The following GLB1L3 variants were observed in gnomAD, a reference collection of about 807,000 sequenced individuals.
GLB1L3 encodes the protein galactosidase beta 1 like 3, also known as beta-galactosidase-1-like protein 3.
In GLB1L3, 89 loss-of-function variants were observed where a neutral mutation model predicts 89.5. That is an observed-to-expected ratio of 0.99 (90% CI 0.84 to 1.19). The LOEUF (loss-of-function observed/expected upper bound fraction) is 1.19, where lower values mean the gene tolerates loss of function less well. GLB1L3 is among the 50% of genes most tolerant of loss of function. The probability of loss-of-function intolerance (pLI) is 0.00; values close to 1 mark genes in which losing one functional copy is unlikely to be tolerated. For synonymous variants in GLB1L3, 314 were observed against 312.3 expected (o/e 1.01, Z -0.06); for missense variants, 812 against 813.3 (o/e 1.00, Z 0.02).
rs1223999897 is a variant in GLB1L3 at position 134,284,561 on chromosome 11, T to C, written c.636+716T>C. On this transcript the variant is annotated intron_variant, in intron 6 of 19. Transcript: ENST00000431683. ...TGACCAACATGGGAAACTCCATCTC[T>C]ACTAAAAATACAAAAAAATTAGCTG... is the stretch of plus-strand genomic sequence containing the variant. Among the ~76,000 whole-genome samples the C allele has an allele frequency of 2.0e-5, 3 of 152,102 alleles. No individual in the cohort carries two copies. The East Asian group carries it at 5.8e-4, about 30-fold the overall frequency.
chr11:134,320,744 A>C (rs1005219464), downstream of GLB1L3, among the ~76,000 whole-genome samples: 1 of 152,132 alleles, frequency 6.6e-6, no homozygotes, highest in African/African-American at 2.4e-5. Flanking sequence ...AAAACAAAAA[A>C]AAAAAACAAA....
the GLB1L3 span, among the ~76,000 whole-genome samples, chr11:134,324,927 T>G: frequency 2.0e-5 from 3 of 152,014 alleles, no homozygotes; most frequent in African/African-American, 7.2e-5. Flanking sequence ...TCATATGATA[T>G]AAAATGTTTA....
chr11:134,307,047 A>G lies in GLB1L3; in HGVS notation c.877-77A>G, dbSNP rs190270336. On this transcript the variant is annotated intron_variant, in intron 9 of 19. Transcript: ENST00000431683. ...GAAACGCATGAGTTCCTTAGTTCCC[A>G]TCTATTGCATTCAGGTTTTCTGATT... 1.9e-4 allele frequency: 181 copies of G among 959,734 alleles called. 1 individual carries two copies. In the African/African-American group the frequency reaches 2.6e-3, roughly 14 times the overall value. 59.5% of individuals were successfully genotyped at this position (959,734 alleles called of 1,614,324 possible).
chr11:134,300,471 T>G lies in GLB1L3; in HGVS notation c.877-6653T>G, dbSNP rs557646691. ...CCTCAGCCTCCCGAGTAGCTGGGAC[T>G]ACAGGCGCCCTCCACCACGCCAGGC... On this transcript the variant is annotated intron_variant, in intron 9 of 19. Coordinates refer to ENST00000431683, the MANE Select transcript of GLB1L3 (RefSeq NM_001080407.3). 3.9e-5 allele frequency among the ~76,000 whole-genome samples: 6 copies of G among 152,148 alleles called. No individual in the cohort carries two copies. In the South Asian group the frequency reaches 1.0e-3, roughly 26 times the overall value.
chr11:134,295,553 A>G (rs1941587705), intron 9 of GLB1L3, among the ~76,000 whole-genome samples: 1 of 152,040 alleles, frequency 6.6e-6, no homozygotes, highest in South Asian at 2.1e-4. Flanking sequence ...ATCTTTGCAG[A>G]GAATCAGCTT....
chr11:134,290,884 A>G (rs1277912898), intron 7 of GLB1L3, among the ~76,000 whole-genome samples: 2 of 152,000 alleles, frequency 1.3e-5, no homozygotes, highest in African/African-American at 4.8e-5. Flanking sequence ...CTCTTCTTTC[A>G]GTGACTTAGA....
Position 134,292,170 on chromosome 11 carries a change from C to T in GLB1L3, c.768C>T (p.Thr256=), listed in dbSNP as rs1198764679. 3 of 1,613,670 alleles carry T rather than the reference C, an allele frequency of 1.9e-6. No homozygotes were observed. Among genetic ancestry groups the T allele is most frequent in the Admixed American group, 1.7e-5 (1 of 60,020 alleles). ...GAGGGATTGTGGAGCTTCTCTTGAC[C>T]TCTGATGGTGAGAAACATGTGCTGA... The part of the protein sequence containing the change: ...LRRGIVELLL[T]SDGEKHVLSG... The change falls in exon 8 of 20, where the codon ACC becomes ACT. Residue 256 remains threonine (T), a synonymous_variant. Transcript: ENST00000431683.
chr11:134,298,679 G>T (rs1271593359), intron 9 of GLB1L3, among the ~76,000 whole-genome samples: 3 of 152,088 alleles, frequency 2.0e-5, no homozygotes, highest in Non-Finnish European at 4.4e-5. Flanking sequence ...TTCTCTTGCT[G>T]CTGGCATGTG....
chr11:134,276,748 C>T lies in GLB1L3; in HGVS notation c.8C>T (p.Ser3Phe), dbSNP rs890105114. MK[S>F]PPLLSPCLSW... ...CGCCTCGGCCTGGCCGCGATGAAGT[C>T]CCCGCCCCTCCTCAGGTGACGGATC... Residue 3 changes from serine to phenylalanine, a missense_variant, in exon 1 of 20, where the codon TCC becomes TTC. Ser to Phe is a radical substitution (Grantham distance 155). Coordinates refer to ENST00000431683, the MANE Select transcript of GLB1L3 (RefSeq NM_001080407.3). 5.9e-5 allele frequency: 86 copies of T among 1,450,000 alleles called. No individual in the cohort carries two copies. The highest frequency in any genetic ancestry group is 6.8e-5 in the Non-Finnish European group (75 of 1,103,272). The allele number at this position is 1,450,000 out of a possible 1,614,324, so 89.8% of individuals were successfully genotyped here.
At chr11:134,288,733 T>C (rs2136134088) in intron 6 of GLB1L3, 65 bp from the exon 7 acceptor site, 1 of 1,212,872 alleles carries the variant, frequency 8.2e-7, no homozygotes, top group Non-Finnish European at 1.2e-6. Context: ...GGCAGCAAGC[T>C]CAGAGACTCC....
At chr11:134,290,292 G>T (rs948542103) in intron 7 of GLB1L3, among the ~76,000 whole-genome samples, 1 of 152,144 alleles carries the variant, frequency 6.6e-6, no homozygotes, top group African/African-American at 2.4e-5. Context: ...AAATTTACCG[G>T]CTGTGCTCAG....
intron 9 of GLB1L3, among the ~76,000 whole-genome samples, chr11:134,297,167 G>A (rs1026626582): frequency 2.6e-5 from 4 of 152,000 alleles, no homozygotes; most frequent in Admixed American, 2.6e-4. Flanking sequence ...CCCTTGTTCT[G>A]AACTCTATTT....
chr11:134,293,338 G>A (rs1236389352), intron 9 of GLB1L3, 129 bp downstream of exon 9: 2 of 736,344 alleles, frequency 2.7e-6, no homozygotes, highest in Non-Finnish European at 4.5e-6. Context: ...GTCCTCGGCA[G>A]GTTCCAAGCC....
At chr11:134,325,108 C>T in the GLB1L3 span, among the ~76,000 whole-genome samples, 1 of 152,154 alleles carries the variant, frequency 6.6e-6, no homozygotes. Flanking sequence ...TTTGAAAATT[C>T]TTAATAATTG....
intron 14 of GLB1L3, 36 bp from the exon 15 acceptor site, chr11:134,312,780 G>A (rs1430875415): frequency 4.0e-5 from 62 of 1,550,108 alleles, no homozygotes; most frequent in Non-Finnish European, 5.4e-5. Flanking sequence ...TTCTTCGGGT[G>A]GGCCTAGCAG....
the GLB1L3 span, among the ~76,000 whole-genome samples, chr11:134,324,796 C>G: frequency 2.6e-5 from 4 of 151,868 alleles, no homozygotes; most frequent in African/African-American, 9.7e-5. Context: ...AAAACACATG[C>G]ATGTTGTTTA....
intron 4 of GLB1L3, 112 bp downstream of exon 4, chr11:134,281,557 T>C: frequency 9.0e-7 from 1 of 1,113,518 alleles, no homozygotes; most frequent in Non-Finnish European, 1.4e-6. Context: ...TCTGGAGTCC[T>C]GTTCTAGGAC....
chr11:134,290,579 C>CTAA (rs143545857), intron 7 of GLB1L3, among the ~76,000 whole-genome samples: 1 of 117,096 alleles, frequency 8.5e-6, no homozygotes, highest in Admixed American at 9.7e-5. Flanking sequence ...CCCCCCCCGC[C>CTAA]AAAAAAAAAG....
rs1401476828 is a variant in GLB1L3, at chr11:134,283,767, G to A, written c.558G>A (p.Leu186=). The change falls in exon 6 of 20, where the codon TTG becomes TTA. Residue 186 remains leucine (L), a synonymous_variant. Coordinates refer to ENST00000431683, the MANE Select transcript of GLB1L3 (RefSeq NM_001080407.3). ...TCCTGCAAGACCCCCGGTTACTGTT[G>A]AGGACAACCAACAAGAGCTTCATTG... ...SWLLQDPRLL[L]RTTNKSFIEA... 6 of 1,612,862 alleles carry A rather than the reference G, an allele frequency of 3.7e-6. No homozygotes were observed. The highest frequency in any genetic ancestry group is 4.2e-6 in the Non-Finnish European group (5 of 1,179,444).
Sources: allele counts gnomAD v4.1 joint callset (sites outside exome capture counted in the v4.1 genomes callset), GRCh38; gene constraint gnomAD v4.1.1; transcripts MANE v1.5; gene names NCBI Gene and HGNC (gene_info 2026-07-23, HGNC 2026-07-21).